RAPGEF4: variants seen among roughly 807,000 people sequenced by gnomAD.
RAPGEF4 encodes the protein Rap guanine nucleotide exchange factor 4.
RAPGEF4 carries 66 observed loss-of-function variants against 147.9 expected under a neutral mutation model. That is an observed-to-expected ratio of 0.45 (90% CI 0.37 to 0.55). The LOEUF is 0.55. Among genes scored for constraint, RAPGEF4 ranks in the 20% least tolerant of loss-of-function variants. The probability of loss-of-function intolerance (pLI) is 0.00; values close to 1 mark genes in which losing one functional copy is unlikely to be tolerated. For synonymous variants in RAPGEF4, 419 were observed against 442.7 expected, an observed-to-expected ratio of 0.95 and a Z score of 0.67; for missense variants, 1,071 against 1,257.3, an observed-to-expected ratio of 0.85 and a Z score of 2.24.
intron 6 of RAPGEF4, among the ~76,000 whole-genome samples, chr2:172,943,539 C>T (rs1018998700): frequency 6.6e-6 from 1 of 152,080 alleles, no homozygotes; most frequent in South Asian, 2.1e-4. Flanking sequence ...TTGTTCTTAC[C>T]CTTGCCTGAG....
intron 3 of RAPGEF4, among the ~76,000 whole-genome samples, chr2:172,800,321 G>A (rs1686841738): frequency 6.6e-6 from 1 of 152,178 alleles, no homozygotes; most frequent in Admixed American, 6.5e-5. Context: ...TCTGAAGGTA[G>A]GACATGGTCC....
At chr2:172,854,813 G>C (rs1693233778) in intron 4 of RAPGEF4, among the ~76,000 whole-genome samples, 1 of 152,148 alleles carries the variant, frequency 6.6e-6, no homozygotes, top group South Asian at 2.1e-4. Flanking sequence ...GAGAGAGTTT[G>C]TTACCTGTGA....
intron 4 of RAPGEF4, among the ~76,000 whole-genome samples, chr2:172,857,167 T>C (rs1458577611): frequency 1.6e-5 from 2 of 123,156 alleles, no homozygotes; most frequent in Non-Finnish European, 3.8e-5. Context: ...TACGCGCGTG[T>C]GCGCGCGCAC....
At chr2:173,004,385 A>G (rs895827352) in intron 17 of RAPGEF4, among the ~76,000 whole-genome samples, 1 of 152,168 alleles carries the variant, frequency 6.6e-6, no homozygotes, top group African/African-American at 2.4e-5. Context: ...TTAAATCTGC[A>G]TTTAAAATTG....
chr2:172,904,503 GATTA>G (rs1367323318), intron 4 of RAPGEF4, among the ~76,000 whole-genome samples: 1 of 152,138 alleles, frequency 6.6e-6, no homozygotes, highest in Non-Finnish European at 1.5e-5. Context: ...GCTTATGGTT[GATTA>G]ATTACTCAAA....
intron 23 of RAPGEF4, among the ~76,000 whole-genome samples, chr2:173,023,506 G>C (rs1302653171): frequency 1.3e-5 from 2 of 152,166 alleles, no homozygotes; most frequent in Admixed American, 1.3e-4. Flanking sequence ...ACTTCTAAGG[G>C]AGAAGCACCT....
chr2:172,938,114 GGCGTGCTGTTGCTACTAGGATATCTTAA>G (rs1413737166), intron 6 of RAPGEF4, among the ~76,000 whole-genome samples: 1 of 152,016 alleles, frequency 6.6e-6, no homozygotes, highest in African/African-American at 2.4e-5. Flanking sequence ...CTTGGCGCTA[GGCGTGCTGTTGCTACTAGGATATCTTAA>G]GCCCTGTCAT....
intron 5 of RAPGEF4, among the ~76,000 whole-genome samples, chr2:172,919,310 C>T (rs1335642620): frequency 6.6e-6 from 1 of 152,114 alleles, no homozygotes; most frequent in Admixed American, 6.5e-5. Context: ...TATTTCCTCA[C>T]CTCCAGTCAC....
intron 4 of RAPGEF4, among the ~76,000 whole-genome samples, chr2:172,914,356 A>T (rs1683808261): frequency 1.0e-5 from 1 of 96,128 alleles, no homozygotes; most frequent in Non-Finnish European, 1.9e-5. Flanking sequence ...TTTTTTGGAG[A>T]CAGAGTTTCA....
chr2:172,765,587 A>T (rs1235253219), intron 1 of RAPGEF4, among the ~76,000 whole-genome samples: 3 of 152,218 alleles, frequency 2.0e-5, no homozygotes, highest in African/African-American at 4.8e-5. Flanking sequence ...GTCTGAGATC[A>T]TGACTATGCC....
At chr2:172,778,034 A>G (rs1293641834) in intron 1 of RAPGEF4, among the ~76,000 whole-genome samples, 2 of 152,306 alleles carry the variant, frequency 1.3e-5, no homozygotes, top group East Asian at 3.9e-4. Context: ...ACAATTCTAC[A>G]TAGTGCTTAG....
intron 4 of RAPGEF4, among the ~76,000 whole-genome samples, chr2:172,855,329 T>C (rs1475044340): frequency 1.1e-4 from 16 of 152,206 alleles, no homozygotes; most frequent in Admixed American, 1.0e-3. Context: ...TATAATTCCA[T>C]TTATTGCCCT....
chr2:173,000,351 G>A (rs377623019), intron 16 of RAPGEF4, among the ~76,000 whole-genome samples: 1 of 152,154 alleles, frequency 6.6e-6, no homozygotes, highest in African/African-American at 2.4e-5. Context: ...TAAAATGTAC[G>A]TATTTCTCAC....
In RAPGEF4 at chr2:172,794,347, C is replaced by CAA. The variant is rs59850502; in HGVS notation, c.66-661_66-660dup. On this transcript the variant is annotated intron_variant, in intron 1 of 30. Coordinates refer to ENST00000397081, the MANE Select transcript of RAPGEF4 (RefSeq NM_007023.4). ...GGGCAACAAAAGTGAAACTCCATCT[C>CAA]AAAAAAAAAAAAAAAAAAGAAAAAA... 2.3e-3 allele frequency among the ~76,000 whole-genome samples: 239 copies of CAA among 101,770 alleles called. 7 individuals are homozygous for CAA. Among genetic ancestry groups the CAA allele is most frequent in the East Asian group, 0.013 (51 of 3,846 alleles). 66.8% of individuals were successfully genotyped at this position (101,770 alleles called of 152,430 possible). A position where few individuals can be genotyped will look rare whatever the true frequency, so the allele number is the denominator to read the frequency against.
chr2:172,998,686 G>C (rs1437982795), intron 16 of RAPGEF4, among the ~76,000 whole-genome samples: 1 of 152,174 alleles, frequency 6.6e-6, no homozygotes, highest in Admixed American at 6.5e-5. Context: ...TGAAGAACCG[G>C]TTATGTGAGG....
In RAPGEF4 at chr2:172,920,475, G is replaced by A. The variant is rs141937046; in HGVS notation, c.518-1806G>A. Among the ~76,000 whole-genome samples the A allele has an allele frequency of 9.2e-3, 1,404 of 152,230 alleles. 12 individuals carry two copies. The highest frequency in any genetic ancestry group is 0.015 in the Non-Finnish European group (1,028 of 68,012). ...AAGGGCCATGCTATGGTCATCTGGT[G>A]TTATGTCTTAAACGTCTTTTAATGT... On this transcript the variant is annotated intron_variant, in intron 5 of 30. Transcript: ENST00000397081.
At chr2:172,946,782 G>T (rs1351763562) in intron 6 of RAPGEF4, among the ~76,000 whole-genome samples, 1 of 152,210 alleles carries the variant, frequency 6.6e-6, no homozygotes, top group African/African-American at 2.4e-5. Flanking sequence ...CACCGGATGT[G>T]CCTTTCATCA....
intron 4 of RAPGEF4, among the ~76,000 whole-genome samples, chr2:172,854,070 G>A (rs1693152483): frequency 6.6e-6 from 1 of 152,084 alleles, no homozygotes; most frequent in East Asian, 1.9e-4. Flanking sequence ...GCATTCTGCA[G>A]CTGTTGGGTG....
Position 172,990,849 on chromosome 2 carries a change from C to CAAGAT in RAPGEF4, c.1415_1419dup (p.Val474LysfsTer29). On this transcript the variant is annotated frameshift_variant, in exon 15 of 31. Coordinates refer to ENST00000397081, the MANE Select transcript of RAPGEF4 (RefSeq NM_007023.4). LOFTEE classifies it high-confidence loss of function. ...TACAGTCAGACTTAAAGAACATGAC[C>CAAGAT]AAGATGTCTTGGTGCTGGAGAAGGT... 2 of 1,613,980 alleles carry CAAGAT rather than the reference C, an allele frequency of 1.2e-6. No individual in the cohort carries two copies. Among genetic ancestry groups the CAAGAT allele is most frequent in the Non-Finnish European group, 1.7e-6 (2 of 1,179,932 alleles).
Sources: gnomAD v4.1 joint callset for allele counts (sites outside exome capture counted in the v4.1 genomes callset) on GRCh38, gnomAD v4.1.1 for gene constraint, MANE v1.5 for transcripts, NCBI Gene and HGNC (gene_info 2026-07-23, HGNC 2026-07-21) for gene names.